The following ATP9A variants were observed in gnomAD, a reference collection of about 807,000 sequenced individuals.
ATP9A encodes the protein ATPase phospholipid transporting 9A.
ATP9A carries 52 observed loss-of-function variants against 144.1 expected under a neutral mutation model. The observed-to-expected ratio is 0.36, with a 90% confidence interval of 0.29 to 0.45. The LOEUF is 0.45. ATP9A is among the 20% of genes least tolerant of loss of function. The pLI is 1.00. For missense variants in ATP9A, 947 were observed against 1,392.7 expected, an observed-to-expected ratio of 0.68 and a Z score of 5.09; for synonymous variants, 582 against 557.4, an observed-to-expected ratio of 1.04 and a Z score of -0.62.
rs116967716 is a variant in ATP9A at position 51,654,597 on chromosome 20, C to T, written c.1506+2341G>A. On this transcript the variant is annotated intron_variant, in intron 14 of 27. Coordinates refer to ENST00000338821, the MANE Select transcript of ATP9A (RefSeq NM_006045.3). Reference sequence around the variant, plus strand: ...ATTTAAAGCCGGGCATGGTGGCACACGCCTGTAGTCCTGACTACTCAGGAG... The same window carrying T: ...ATTTAAAGCCGGGCATGGTGGCACATGCCTGTAGTCCTGACTACTCAGGAG... Among the ~76,000 whole-genome samples, 71 of 152,092 alleles carry T rather than the reference C, an allele frequency of 4.7e-4. 1 individual carries two copies. The East Asian group carries it at 0.013, about 27-fold the overall frequency.
intron 9 of ATP9A, among the ~76,000 whole-genome samples, chr20:51,678,035 G>A (rs2077484307): frequency 6.7e-6 from 1 of 149,924 alleles, no homozygotes; most frequent in Non-Finnish European, 1.5e-5. Context: ...AAGATAGACA[G>A]TAAAGAAGGA....
chr20:51,668,751 C>T (rs1601093539), intron 13 of ATP9A, among the ~76,000 whole-genome samples: 2 of 152,296 alleles, frequency 1.3e-5, no homozygotes, highest in South Asian at 4.1e-4. Context: ...GCAACAAGGG[C>T]TTTGTTGCTG....
chr20:51,720,925 C>T (rs1465800759), intron 3 of ATP9A, among the ~76,000 whole-genome samples: 1 of 152,172 alleles, frequency 6.6e-6, no homozygotes, highest in Admixed American at 6.6e-5. Context: ...AAGCATGCCA[C>T]CTGATACAGG....
Position 51,600,128 on chromosome 20 carries a change from C to A in ATP9A, c.*1083G>T, listed in dbSNP as rs1049743077. ...CGCTGTAGCTTGGGCGTCCTCCCAC[C>A]AGGGGTTCCTTGTTCTGAAAGCTGC... On this transcript the variant is annotated 3_prime_UTR_variant, in exon 28 of 28. Transcript: ENST00000338821. 11 of 152,194 alleles carry A rather than the reference C, an allele frequency of 7.2e-5. No homozygotes were observed. Among genetic ancestry groups the A allele is most frequent in the African/African-American group, 2.7e-4 (11 of 41,444 alleles). 9.4% of individuals were successfully genotyped at this position (152,194 alleles called of 1,614,324 possible). A position where few individuals can be genotyped will look rare whatever the true frequency, so the allele number is the denominator to read the frequency against.
At chr20:51,728,967 G>C (rs1482643721) in intron 2 of ATP9A, among the ~76,000 whole-genome samples, 1 of 152,184 alleles carries the variant, frequency 6.6e-6, no homozygotes, top group Non-Finnish European at 1.5e-5. Flanking sequence ...GCATGTTGGG[G>C]AGAAGGTTTG....
Position 51,627,780 on chromosome 20 carries a change from G to T in ATP9A, c.1762-97C>A, listed in dbSNP as rs2077255495. On this transcript the variant is annotated intron_variant, in intron 16 of 27. Coordinates refer to ENST00000338821, the MANE Select transcript of ATP9A (RefSeq NM_006045.3). The stretch of plus-strand genomic sequence containing the variant: ...CCAAGTGGATGTGCCCCTCCCACAG[G>T]GTCAGAGAAAATGGCAAATCAGAAA... 4.0e-6 allele frequency: 4 copies of T among 992,878 alleles called. No individual in the cohort carries two copies. In the African/African-American group the frequency reaches 4.8e-5, roughly 12 times the overall value. 61.5% of individuals were successfully genotyped at this position (992,878 alleles called of 1,614,324 possible).
Position 51,641,666 on chromosome 20 carries a change from T to TA in ATP9A, c.1507-2163dup, listed in dbSNP as rs904504322. On this transcript the variant is annotated intron_variant, in intron 14 of 27. Coordinates refer to ENST00000338821, the MANE Select transcript of ATP9A (RefSeq NM_006045.3). The stretch of plus-strand genomic sequence containing the variant: ...CCCATCTCTACTAAAAAAATAAAAA[T>TA]AAAAAAAATAAAAAATAAGCTGGGC... Among the ~76,000 whole-genome samples, 14 of 143,698 alleles carry TA rather than the reference T, an allele frequency of 9.7e-5. No homozygotes were observed. The South Asian group carries it at 1.6e-3, about 16-fold the overall frequency. 94.3% of individuals were successfully genotyped at this position (143,698 alleles called of 152,430 possible).
chr20:51,704,217 T>C (rs1417496336), intron 4 of ATP9A, among the ~76,000 whole-genome samples: 1 of 148,980 alleles, frequency 6.7e-6, no homozygotes, highest in African/African-American at 2.5e-5. Context: ...AGTTTAAATG[T>C]AACAAGTTTA....
intron 24 of ATP9A, 126 bp from the exon 25 acceptor site, chr20:51,608,752 C>T (rs922102688): frequency 4.5e-6 from 3 of 662,380 alleles, no homozygotes; most frequent in Non-Finnish European, 8.2e-6. Context: ...CTATTATGCT[C>T]CGGGGCTGGC....
intron 23 of ATP9A, among the ~76,000 whole-genome samples, chr20:51,613,094 G>A (rs1175261008): frequency 6.6e-6 from 1 of 152,110 alleles, no homozygotes. Context: ...CTCCCCATCC[G>A]TAAAATGGGC....
At chr20:51,700,971 G>A (rs1160623999) in intron 4 of ATP9A, among the ~76,000 whole-genome samples, 6 of 152,120 alleles carry the variant, frequency 3.9e-5, no homozygotes, top group Non-Finnish European at 8.8e-5. Flanking sequence ...CAGACCTGTC[G>A]TTTTTCTGGG....
intron 23 of ATP9A, among the ~76,000 whole-genome samples, chr20:51,612,844 CATA>C (rs2077189817): frequency 6.6e-6 from 1 of 152,272 alleles, no homozygotes; most frequent in South Asian, 2.1e-4. Context: ...TATTCGTGAT[CATA>C]ATAATTAAAC....
At position 51,738,908 on chromosome 20, in the gene ATP9A, C is replaced by A. The variant is rs184721304; in HGVS notation, c.69-8930G>T. 9.4e-3 allele frequency among the ~76,000 whole-genome samples: 1,425 copies of A among 152,162 alleles called. 17 individuals are homozygous for A. Among genetic ancestry groups the A allele is most frequent in the African/African-American group, 0.032 (1,339 of 41,524 alleles). On this transcript the variant is annotated intron_variant, in intron 1 of 27. Coordinates refer to ENST00000338821, the MANE Select transcript of ATP9A (RefSeq NM_006045.3). ...ACCAGCCTGGACAACACGGAGAAAC[C>A]CCGCCTCCACTAAAACTACAAAAAT...
At chr20:51,691,042 C>A (rs567851025) in intron 7 of ATP9A, among the ~76,000 whole-genome samples, 1 of 152,272 alleles carries the variant, frequency 6.6e-6, no homozygotes, top group Non-Finnish European at 1.5e-5. Context: ...ACAGTGAAGA[C>A]CCTCGTTTCT....
intron 1 of ATP9A, among the ~76,000 whole-genome samples, chr20:51,733,189 G>A (rs983424537): frequency 6.6e-6 from 1 of 152,136 alleles, no homozygotes; most frequent in Non-Finnish European, 1.5e-5. Context: ...GTCACTCACT[G>A]CACTATGGGA....
At chr20:51,612,686 A>G (rs1016055670) in intron 23 of ATP9A, among the ~76,000 whole-genome samples, 3 of 152,178 alleles carry the variant, frequency 2.0e-5, no homozygotes, top group African/African-American at 7.2e-5. Flanking sequence ...CGGCCTCCCA[A>G]TGTGCTGGGA....
chr20:51,736,568 G>A (rs1017056309), intron 1 of ATP9A, among the ~76,000 whole-genome samples: 1 of 149,308 alleles, frequency 6.7e-6, no homozygotes, highest in Non-Finnish European at 1.5e-5. Flanking sequence ...TGCCCAGGCA[G>A]GTCTCGAACT....
chr20:51,693,944 A>AAC, intron 7 of ATP9A, 64 bp downstream of exon 7: 6 of 1,404,228 alleles, frequency 4.3e-6, no homozygotes, highest in Non-Finnish European at 6.0e-6. Flanking sequence ...CCCCCCAGGT[A>AAC]TGAGTTTGAG....
rs368993333 is a variant in ATP9A at position 51,601,189 on chromosome 20, C to A, written c.*22G>T. 41 of 1,579,124 alleles carry A rather than the reference C, an allele frequency of 2.6e-5. No individual in the cohort carries two copies. The African/African-American group carries it at 4.9e-4, about 19-fold the overall frequency. On this transcript the variant is annotated 3_prime_UTR_variant, in exon 28 of 28. Transcript: ENST00000338821. ...CATCAGGGAAGCGCCAAGACCAGGG[C>A]CCCCTCCAGCGAACGCACGGCCTAT...
Sources: gnomAD v4.1 joint callset for allele counts (sites outside exome capture counted in the v4.1 genomes callset) on GRCh38, gnomAD v4.1.1 for gene constraint, MANE v1.5 for transcripts, NCBI Gene and HGNC (gene_info 2026-07-23, HGNC 2026-07-21) for gene names.